ARHGAP42: variants seen among roughly 807,000 people sequenced by gnomAD.
The protein encoded by ARHGAP42 is Rho GTPase activating protein 42.
Under a neutral mutation model 125.0 loss-of-function variants are expected in ARHGAP42, and 63 were observed. The ratio of observed to expected loss-of-function variants is 0.50; its 90% CI spans 0.41 to 0.62. The LOEUF is 0.62. ARHGAP42 is among the 20% of genes least tolerant of loss of function. The pLI is 0.00. For missense variants in ARHGAP42, 766 were observed against 1,024.2 expected, an observed-to-expected ratio of 0.75 and a Z score of 3.44; for synonymous variants, 339 against 351.0, an observed-to-expected ratio of 0.97 and a Z score of 0.38.
At chr11:100,725,136 T>A (rs376817004) in intron 1 of ARHGAP42, among the ~76,000 whole-genome samples, 10 of 152,116 alleles carry the variant, frequency 6.6e-5, no homozygotes, top group African/African-American at 2.4e-4. Context: ...TTCTATTTGC[T>A]CCCTTATGCG....
chr11:100,958,418 C>T (rs1857863566), intron 12 of ARHGAP42, among the ~76,000 whole-genome samples: 1 of 151,804 alleles, frequency 6.6e-6, no homozygotes, highest in African/African-American at 2.4e-5. Context: ...ACACTGGGGA[C>T]AAAGAAATAA....
intron 3 of ARHGAP42, among the ~76,000 whole-genome samples, chr11:100,812,285 C>T (rs11224464): frequency 0.064 from 9,697 of 152,140 alleles, 369 homozygotes; most frequent in East Asian, 0.18. Context: ...ACAAAACAGA[C>T]GAAATTTATG....
chr11:100,975,173 T>C (rs1690633060), intron 19 of ARHGAP42, among the ~76,000 whole-genome samples: 1 of 152,094 alleles, frequency 6.6e-6, no homozygotes, highest in Admixed American at 6.6e-5. Flanking sequence ...CAATATTTAA[T>C]AGAAAATAGT....
At chr11:100,881,424 T>A (rs2135176913) in intron 4 of ARHGAP42, among the ~76,000 whole-genome samples, 1 of 152,346 alleles carries the variant, frequency 6.6e-6, no homozygotes, top group South Asian at 2.1e-4. Flanking sequence ...CCTATTCTTT[T>A]CCATTGGTCT....
At chr11:100,851,214 T>C (rs1451842918) in intron 3 of ARHGAP42, among the ~76,000 whole-genome samples, 3 of 152,092 alleles carry the variant, frequency 2.0e-5, no homozygotes, top group Admixed American at 6.6e-5. Context: ...TGCTAGACTG[T>C]GAAAGATTCT....
At chr11:100,750,239 C>T (rs867265331) in intron 1 of ARHGAP42, among the ~76,000 whole-genome samples, 1 of 152,248 alleles carries the variant, frequency 6.6e-6, no homozygotes, top group South Asian at 2.1e-4. Flanking sequence ...TGTGCCCTTA[C>T]AGATGGAGCA....
chr11:100,895,999 C>CA (rs1268971274), intron 4 of ARHGAP42, among the ~76,000 whole-genome samples: 3 of 152,262 alleles, frequency 2.0e-5, no homozygotes, highest in Admixed American at 6.5e-5. Context: ...CAGGCCCCCA[C>CA]ACTCCCTGAA....
intron 6 of ARHGAP42, among the ~76,000 whole-genome samples, chr11:100,922,545 A>G (rs111842587): frequency 2.0e-5 from 3 of 152,342 alleles, no homozygotes; most frequent in African/African-American, 7.2e-5. Context: ...ATGTGTAAGT[A>G]ATCAAATATC....
chr11:100,784,536 A>G (rs923189274), intron 2 of ARHGAP42, among the ~76,000 whole-genome samples: 4 of 152,168 alleles, frequency 2.6e-5, no homozygotes, highest in African/African-American at 9.7e-5. Flanking sequence ...GAAGGACTGA[A>G]GATTATTCCT....
intron 3 of ARHGAP42, among the ~76,000 whole-genome samples, chr11:100,835,400 G>T (rs1591222286): frequency 6.6e-6 from 1 of 152,090 alleles, no homozygotes; most frequent in East Asian, 1.9e-4. Flanking sequence ...AGGTGTCCTT[G>T]ACTTTGTACC....
At chr11:100,807,889 T>A (rs1179804719) in intron 3 of ARHGAP42, among the ~76,000 whole-genome samples, 1 of 152,216 alleles carries the variant, frequency 6.6e-6, no homozygotes, top group Non-Finnish European at 1.5e-5. Flanking sequence ...TTTCCATTGG[T>A]ACAGTTGGGG....
intron 3 of ARHGAP42, among the ~76,000 whole-genome samples, chr11:100,828,954 G>A (rs185042135): frequency 9.2e-5 from 14 of 152,266 alleles, no homozygotes; most frequent in East Asian, 1.9e-4. Context: ...AATTTTGCAC[G>A]TTTGGCTGCA....
chr11:100,770,070 A>G (rs964828050), intron 1 of ARHGAP42, among the ~76,000 whole-genome samples: 10 of 152,158 alleles, frequency 6.6e-5, no homozygotes, highest in Admixed American at 2.0e-4. Flanking sequence ...CTTCCAGATA[A>G]TACACATCTG....
At chr11:100,871,163 A>G (rs985544703) in intron 4 of ARHGAP42, among the ~76,000 whole-genome samples, 1 of 152,164 alleles carries the variant, frequency 6.6e-6, no homozygotes, top group Non-Finnish European at 1.5e-5. Context: ...AAACCCTCTA[A>G]AGACTATGAA....
At chr11:100,765,948 A>C (rs560177393) in intron 1 of ARHGAP42, among the ~76,000 whole-genome samples, 1 of 152,304 alleles carries the variant, frequency 6.6e-6, no homozygotes, top group African/African-American at 2.4e-5. Flanking sequence ...AACACTTCCA[A>C]AATAAAAGGG....
At chr11:100,763,533 G>A (rs12276239) in intron 1 of ARHGAP42, among the ~76,000 whole-genome samples, 18,062 of 152,046 alleles carry the variant, frequency 0.12, 1,231 homozygotes, top group East Asian at 0.3. Flanking sequence ...TGTCTCCTAG[G>A]CTGGAGTGCA....
At chr11:100,690,660 G>A (rs557030874) in intron 1 of ARHGAP42, among the ~76,000 whole-genome samples, 2 of 151,926 alleles carry the variant, frequency 1.3e-5, no homozygotes, top group Non-Finnish European at 2.9e-5. Flanking sequence ...GCAGTGGTGC[G>A]ATCTCGGCTC....
intron 10 of ARHGAP42, among the ~76,000 whole-genome samples, chr11:100,945,259 A>AT (rs2135277290): frequency 6.6e-6 from 1 of 152,082 alleles, no homozygotes; most frequent in South Asian, 2.1e-4. Context: ...CTTTTTTGCT[A>AT]TTTTCACTAC....
chr11:100,898,569 G>A (rs1866427213), intron 4 of ARHGAP42, among the ~76,000 whole-genome samples: 1 of 152,066 alleles, frequency 6.6e-6, no homozygotes, highest in Admixed American at 6.5e-5. Context: ...TTTATTCTTG[G>A]GAGGGTGCAT....
Sources: gnomAD v4.1 joint callset for allele counts (sites outside exome capture counted in the v4.1 genomes callset) on GRCh38, gnomAD v4.1.1 for gene constraint, MANE v1.5 for transcripts, NCBI Gene and HGNC (gene_info 2026-07-23, HGNC 2026-07-21) for gene names.